Variants in PIEZO2 observed in about 807,000 individuals in gnomAD.
The protein encoded by PIEZO2 is piezo-type mechanosensitive ion channel component 2.
A neutral mutation model predicts 337.3 loss-of-function variants in PIEZO2; 172 were observed. The ratio of observed to expected loss-of-function variants is 0.51; its 90% CI spans 0.45 to 0.58. PIEZO2 has a LOEUF of 0.58. Ranked by LOEUF, PIEZO2 falls within the 20% of genes least tolerant of loss-of-function variation. PIEZO2 has a pLI of 0.00. For synonymous variants in PIEZO2, 1,251 were observed against 1,228.5 expected (o/e 1.02, Z -0.38); for missense variants, 3,028 against 3,391.3 (o/e 0.89, Z 2.66).
intron 42 of PIEZO2, among the ~76,000 whole-genome samples, chr18:10,703,635 G>C (rs1166940167): frequency 1.3e-5 from 2 of 151,984 alleles, no homozygotes; most frequent in Non-Finnish European, 2.9e-5. Flanking sequence ...ACAAACCTGA[G>C]AGCACAAAGC....
chr18:10,882,031 C>T (rs951040734), intron 4 of PIEZO2, among the ~76,000 whole-genome samples: 4 of 152,152 alleles, frequency 2.6e-5, no homozygotes, highest in African/African-American at 7.2e-5. Context: ...AATTTTCACC[C>T]GCCTCTTTTA....
At chr18:11,118,759 G>A (rs1221148956) in intron 1 of PIEZO2, among the ~76,000 whole-genome samples, 1 of 150,592 alleles carries the variant, frequency 6.6e-6, no homozygotes, top group Non-Finnish European at 1.5e-5. Flanking sequence ...GTTAATTACA[G>A]AAAAAAAAAC....
At chr18:10,963,032 A>C (rs155322) in intron 3 of PIEZO2, among the ~76,000 whole-genome samples, 1 of 151,912 alleles carries the variant, frequency 6.6e-6, no homozygotes, top group Non-Finnish European at 1.5e-5. Flanking sequence ...CATGCCTGTA[A>C]TCCCAGCACT....
intron 2 of PIEZO2, among the ~76,000 whole-genome samples, chr18:10,997,634 A>G (rs375644061): frequency 6.6e-6 from 1 of 152,216 alleles, no homozygotes; most frequent in Non-Finnish European, 1.5e-5. Flanking sequence ...CTGAAATTAA[A>G]CATTCACCTA....
chr18:11,054,665 G>A (rs2037650800), intron 2 of PIEZO2, among the ~76,000 whole-genome samples: 1 of 152,202 alleles, frequency 6.6e-6, no homozygotes, highest in African/African-American at 2.4e-5. Flanking sequence ...AAGGCTTCCT[G>A]CCAAACACTC....
In PIEZO2 at chr18:11,077,510, A is replaced by C. The variant is rs1241751593; in HGVS notation, c.65-11288T>G. Among the ~76,000 whole-genome samples the C allele has an allele frequency of 1.3e-5, 2 of 152,178 alleles. No individual in the cohort carries two copies. Among genetic ancestry groups the C allele is most frequent in the African/African-American group, 4.8e-5 (2 of 41,440 alleles). ...AGTGAGACCCCCATCTCCACACAAA[A>C]AAAGAAAAAACTAGCTGGGCATGGT... On this transcript the variant is annotated intron_variant, in intron 1 of 55. Transcript: ENST00000674853. This position sits in a 1 kb window ranked among gnomAD's most constrained non-coding sequence, Gnocchi z 4.8.
intron 3 of PIEZO2, among the ~76,000 whole-genome samples, chr18:10,918,316 T>A (rs558399745): frequency 1.3e-4 from 20 of 152,128 alleles, no homozygotes; most frequent in East Asian, 9.6e-4. Context: ...AATGACACAT[T>A]GTTTTTTAAA....
At position 10,857,174 on chromosome 18, in the gene PIEZO2, A is replaced by T; in HGVS notation, c.530T>A (p.Ile177Asn). 6.5e-6 allele frequency: 10 copies of T among 1,537,858 alleles called. No homozygotes were observed. Among genetic ancestry groups the T allele is most frequent in the Non-Finnish European group, 8.7e-6 (10 of 1,147,030 alleles). The change falls in exon 6 of 56, where the codon ATC becomes AAC. Residue 177 changes from isoleucine to asparagine, a missense_variant. Ile to Asn is a moderately radical substitution (Grantham distance 149). Around this residue, in one of 5 missense-constraint regions of PIEZO2, gnomAD observed 542 missense variants for 605.6 expected, o/e 0.89. Transcript: ENST00000674853. ...TCCTCCATTGAAATCCTCTTCATAG[A>T]TCAGTGCCTCTTCTGAATCAATTTT... Reference protein sequence around the residue: ...GEKIDSEEALIYEEDFNGGDG... With the variant: ...GEKIDSEEALNYEEDFNGGDG...
At chr18:10,704,195 T>C (rs902947361) in intron 42 of PIEZO2, 199 bp downstream of exon 42, 18 of 704,830 alleles carry the variant, frequency 2.6e-5, no homozygotes, top group Admixed American at 1.2e-4. Flanking sequence ...TGTGAAAAGA[T>C]TTTTAGAATT....
In PIEZO2 at chr18:10,859,875, G is replaced by A. The variant is rs947732285; in HGVS notation, c.493-2664C>T. ...GGTGGTGGCTGTGCTGGAGGAGAGG[G>A]GAGGGAGTGGTGGGGCTGAAGTGAA... On this transcript the variant is annotated intron_variant, in intron 5 of 55. Transcript: ENST00000674853. This position sits in a 1 kb window ranked among gnomAD's most constrained non-coding sequence, Gnocchi z 4.9. 4.6e-5 allele frequency among the ~76,000 whole-genome samples: 7 copies of A among 152,160 alleles called. No individual in the cohort carries two copies. Among genetic ancestry groups the A allele is most frequent in the Non-Finnish European group, 8.8e-5 (6 of 68,040 alleles).
Position 10,724,939 on chromosome 18 carries a change from C to T in PIEZO2, c.5029+6468G>A. The T allele has an allele frequency of 1.9e-6, 3 of 1,601,190 alleles. No homozygotes were observed. The highest frequency in any genetic ancestry group is 2.6e-6 in the Non-Finnish European group (3 of 1,172,046). On this transcript the variant is annotated intron_variant, in intron 36 of 55. Coordinates refer to ENST00000674853, the MANE Select transcript of PIEZO2 (RefSeq NM_001378183.1). This position sits in a 1 kb window ranked among gnomAD's most constrained non-coding sequence, Gnocchi z 5.8. ...GCCTCCACCTGGACGGCGATGGAACCCAGGTGGGCGCACCCTGCGGCCTGC... is the reference window on the plus strand; with the variant it reads ...GCCTCCACCTGGACGGCGATGGAACTCAGGTGGGCGCACCCTGCGGCCTGC...
chr18:10,926,359 C>A (rs2031740526), intron 3 of PIEZO2, among the ~76,000 whole-genome samples: 2 of 152,322 alleles, frequency 1.3e-5, no homozygotes, highest in South Asian at 2.1e-4. Context: ...CAATCCAGAT[C>A]TTTTCTCCAT....
Position 10,988,556 on chromosome 18 carries a change from C to T in PIEZO2, c.161-8896G>A, listed in dbSNP as rs1050430258. Among the ~76,000 whole-genome samples, 2 of 152,046 alleles carry T rather than the reference C, an allele frequency of 1.3e-5. No homozygotes were observed. Among genetic ancestry groups the T allele is most frequent in the African/African-American group, 2.4e-5 (1 of 41,374 alleles). On this transcript the variant is annotated intron_variant, in intron 2 of 55. Coordinates refer to ENST00000674853, the MANE Select transcript of PIEZO2 (RefSeq NM_001378183.1). This position sits in a 1 kb window ranked among gnomAD's most constrained non-coding sequence, Gnocchi z 4.8. ...AGATTCTTAAAAATTAAAAATAGAA[C>T]TGCTAAATAATCCCACTTCTGGGTA... is the stretch of plus-strand genomic sequence containing the variant.
intron 7 of PIEZO2, among the ~76,000 whole-genome samples, chr18:10,842,261 A>G (rs1568120455): frequency 6.6e-6 from 1 of 151,966 alleles, no homozygotes; most frequent in Non-Finnish European, 1.5e-5. Flanking sequence ...CCTAATATAC[A>G]TGAATGTACA....
Position 10,903,994 on chromosome 18 carries a change from A to T in PIEZO2, c.329+7192T>A, listed in dbSNP as rs550559490. ...ATAGCACCTGGTACACAGCAGCAGC[A>T]GCTGCTCCAAAAACATTTTCAAGTG... On this transcript the variant is annotated intron_variant, in intron 4 of 55. Transcript: ENST00000674853. This position sits in a 1 kb window ranked among gnomAD's most constrained non-coding sequence, Gnocchi z 4.1. Among the ~76,000 whole-genome samples the T allele has an allele frequency of 1.3e-5, 2 of 152,364 alleles. No homozygotes were observed. Among genetic ancestry groups the T allele is most frequent in the Admixed American group, 6.5e-5 (1 of 15,310 alleles).
At chr18:10,941,804 GACC>G in intron 3 of PIEZO2, among the ~76,000 whole-genome samples, 1 of 152,184 alleles carries the variant, frequency 6.6e-6, no homozygotes. Context: ...GGAAGCAAAA[GACC>G]AAAATGACTG....
At chr18:10,977,481 C>G (rs2034488177) in intron 3 of PIEZO2, among the ~76,000 whole-genome samples, 2 of 151,968 alleles carry the variant, frequency 1.3e-5, no homozygotes, top group Admixed American at 6.6e-5. Flanking sequence ...TAAGAAATAT[C>G]CAAATGATTT....
At chr18:11,030,429 C>T (rs1479265906) in intron 2 of PIEZO2, among the ~76,000 whole-genome samples, 1 of 152,128 alleles carries the variant, frequency 6.6e-6, no homozygotes, top group African/African-American at 2.4e-5. Context: ...CCTAGTACTC[C>T]CTAAGCCCAC....
intron 3 of PIEZO2, among the ~76,000 whole-genome samples, chr18:10,974,192 C>A (rs1456598717): frequency 6.6e-6 from 1 of 152,174 alleles, no homozygotes; most frequent in African/African-American, 2.4e-5. Context: ...ACGCTTGATA[C>A]CTTGATTCTT....
Sources: gnomAD v4.1 joint callset for allele counts (sites outside exome capture counted in the v4.1 genomes callset) on GRCh38, gnomAD v4.1.1 for gene constraint, gnomAD v4.1.1 regional missense constraint, Gnocchi (gnomAD v3.1) non-coding constraint, MANE v1.5 for transcripts, NCBI Gene and HGNC (gene_info 2026-07-23, HGNC 2026-07-21) for gene names.